The following CPNE4 variants were observed in gnomAD, a reference collection of about 807,000 sequenced individuals.
CPNE4 encodes the protein copine-4.
A neutral mutation model predicts 67.9 loss-of-function variants in CPNE4; 25 were observed. That is an observed-to-expected ratio of 0.37 (90% CI 0.27 to 0.51). CPNE4 has a LOEUF of 0.51. Ranked by LOEUF, CPNE4 falls within the 20% of genes least tolerant of loss-of-function variation. CPNE4 has a pLI of 0.93. For synonymous variants in CPNE4, 242 were observed against 244.9 expected, an observed-to-expected ratio of 0.99 and a Z score of 0.11; for missense variants, 464 against 690.8, an observed-to-expected ratio of 0.67 and a Z score of 3.68.
chr3:131,556,098 G>A (rs1218647439), intron 11 of CPNE4, among the ~76,000 whole-genome samples: 5 of 152,062 alleles, frequency 3.3e-5, no homozygotes, highest in Non-Finnish European at 5.9e-5. Flanking sequence ...ATGGGGCCAG[G>A]TGCAGTGGCT....
At chr3:131,652,606 T>A (rs922071655) in intron 7 of CPNE4, among the ~76,000 whole-genome samples, 1 of 152,184 alleles carries the variant, frequency 6.6e-6, no homozygotes, top group African/African-American at 2.4e-5. Flanking sequence ...TTAAAAAAAA[T>A]AAATAGCTTT....
At chr3:131,774,147 C>T (rs1423986998) in intron 2 of CPNE4, among the ~76,000 whole-genome samples, 1 of 152,122 alleles carries the variant, frequency 6.6e-6, no homozygotes, top group Non-Finnish European at 1.5e-5. Flanking sequence ...CCAGCTTCTT[C>T]CAGCAGGCAG....
intron 2 of CPNE4, among the ~76,000 whole-genome samples, chr3:131,861,555 C>T (rs1178872495): frequency 6.6e-6 from 1 of 151,906 alleles, no homozygotes; most frequent in Non-Finnish European, 1.5e-5. Flanking sequence ...CTCAGCCTCC[C>T]AAGTAGTTGG....
intron 2 of CPNE4, among the ~76,000 whole-genome samples, chr3:131,734,317 C>G (rs1025664354): frequency 3.9e-5 from 6 of 152,062 alleles, no homozygotes; most frequent in African/African-American, 1.4e-4. Flanking sequence ...TTCTTGATAG[C>G]GGTAACCTTG....
chr3:131,896,124 G>T (rs1334689440), intron 2 of CPNE4, among the ~76,000 whole-genome samples: 1 of 151,900 alleles, frequency 6.6e-6, no homozygotes. Context: ...ATTCATAATA[G>T]CAAAGCTTTG....
chr3:131,759,829 C>A (rs952715131), intron 2 of CPNE4, among the ~76,000 whole-genome samples: 3 of 152,232 alleles, frequency 2.0e-5, no homozygotes, highest in Non-Finnish European at 1.5e-5. Context: ...CAGCACTATT[C>A]CTCCCACAAA....
intron 2 of CPNE4, among the ~76,000 whole-genome samples, chr3:131,869,650 T>G (rs1162401769): frequency 6.6e-6 from 1 of 152,196 alleles, no homozygotes; most frequent in African/African-American, 2.4e-5. Context: ...GAACAATGCA[T>G]TATATGTTTT....
chr3:131,917,567 C>CTT (rs2070598260), intron 1 of CPNE4, among the ~76,000 whole-genome samples: 1 of 152,048 alleles, frequency 6.6e-6, no homozygotes, highest in Non-Finnish European at 1.5e-5. Flanking sequence ...CTTGCTCTCT[C>CTT]TCTCTCTCTC....
chr3:131,699,539 G>A (rs566194043), intron 4 of CPNE4, among the ~76,000 whole-genome samples: 3 of 152,256 alleles, frequency 2.0e-5, no homozygotes, highest in South Asian at 2.1e-4. Context: ...AATGAGAGAC[G>A]AGGACACGTA....
upstream of CPNE4, chr3:132,035,136 G>A (rs995911415): frequency 3.4e-6 from 3 of 877,128 alleles, no homozygotes; most frequent in African/African-American, 5.4e-5. Context: ...GCCCCGCCCA[G>A]GCCTTGGCGG....
chr3:131,958,046 T>A (rs750481363), intron 1 of CPNE4, among the ~76,000 whole-genome samples: 1 of 152,160 alleles, frequency 6.6e-6, no homozygotes, highest in African/African-American at 2.4e-5. Flanking sequence ...TAATGGGACA[T>A]TGAAATAGAA....
intron 2 of CPNE4, among the ~76,000 whole-genome samples, chr3:131,889,515 A>G (rs952428929): frequency 1.1e-4 from 16 of 152,230 alleles, no homozygotes; most frequent in Admixed American, 9.8e-4. Flanking sequence ...AGCCTGGTGG[A>G]TCACACTACA....
intron 1 of CPNE4, among the ~76,000 whole-genome samples, chr3:132,012,994 G>T (rs138761611): frequency 0.032 from 4,866 of 152,192 alleles, 291 homozygotes; most frequent in African/African-American, 0.11. Context: ...AGGCTGAGGC[G>T]GGTGGATCAG....
chr3:131,795,287 A>G (rs1370510461), intron 2 of CPNE4, among the ~76,000 whole-genome samples: 1 of 152,200 alleles, frequency 6.6e-6, no homozygotes, highest in South Asian at 2.1e-4. Flanking sequence ...AAGCACAGAG[A>G]AACATATTAA....
intron 1 of CPNE4, among the ~76,000 whole-genome samples, chr3:132,021,490 G>T (rs1560799419): frequency 6.6e-6 from 1 of 152,144 alleles, no homozygotes; most frequent in African/African-American, 2.4e-5. Flanking sequence ...TTTTCTATCA[G>T]GAATCAGATA....
intron 1 of CPNE4, among the ~76,000 whole-genome samples, chr3:131,909,668 C>T (rs993786117): frequency 1.3e-5 from 2 of 152,056 alleles, no homozygotes; most frequent in Non-Finnish European, 2.9e-5. Flanking sequence ...CTGAGGTTCT[C>T]GTTGGCCATC....
intron 13 of CPNE4, among the ~76,000 whole-genome samples, chr3:131,550,372 G>T (rs1249895912): frequency 6.6e-6 from 1 of 152,046 alleles, no homozygotes; most frequent in Non-Finnish European, 1.5e-5. Flanking sequence ...TAATGAAATA[G>T]ATGTTATACC....
In CPNE4 at chr3:131,865,156, C is replaced by T. The variant is rs1172604559; in HGVS notation, c.180+40108G>A. Among the ~76,000 whole-genome samples, 6 of 152,182 alleles carry T rather than the reference C, an allele frequency of 3.9e-5. No homozygotes were observed. The East Asian group carries it at 9.7e-4, about 25-fold the overall frequency. ...TTCGATGTTCATCAGTGATACTGGT[C>T]TAAAATTCCCTTTTTTTTGTTGTGT... On this transcript the variant is annotated intron_variant, in intron 2 of 15. Transcript: ENST00000429747.
At chr3:131,865,999 CT>C (rs1177202930) in intron 2 of CPNE4, among the ~76,000 whole-genome samples, 1 of 152,202 alleles carries the variant, frequency 6.6e-6, no homozygotes, top group African/African-American at 2.4e-5. Flanking sequence ...TCATTTATTG[CT>C]TGTGGGCCAC....
Sources: gnomAD v4.1 joint callset for allele counts (sites outside exome capture counted in the v4.1 genomes callset) on GRCh38, gnomAD v4.1.1 for gene constraint, MANE v1.5 for transcripts, NCBI Gene and HGNC (gene_info 2026-07-23, HGNC 2026-07-21) for gene names.